SDK2: variants seen among roughly 807,000 people sequenced by gnomAD.
SDK2 encodes the protein protein sidekick-2.
A neutral mutation model predicts 253.9 loss-of-function variants in SDK2; 105 were observed. That is an observed-to-expected ratio of 0.41 (90% confidence interval 0.35 to 0.49). The LOEUF is 0.49. SDK2 is among the 20% of genes least tolerant of loss of function. The probability of loss-of-function intolerance (pLI) is 0.06; values close to 1 mark genes in which losing one functional copy is unlikely to be tolerated. For synonymous variants in SDK2, 1,249 were observed against 1,234.9 expected, an observed-to-expected ratio of 1.01 and a Z score of -0.24; for missense variants, 2,608 against 3,003.0, an observed-to-expected ratio of 0.87 and a Z score of 3.07.
At chr17:73,592,218 C>T (rs1448134071) in intron 1 of SDK2, among the ~76,000 whole-genome samples, 3 of 152,228 alleles carry the variant, frequency 2.0e-5, no homozygotes, top group Non-Finnish European at 4.4e-5. Flanking sequence ...CACAGCCATG[C>T]CTCCGTGGGC....
rs569033001 is a variant in SDK2, at chr17:73,437,722, C to T, written c.1000+17G>A. ...ATCTGGGGTCTTTGTCCCCCTCCAG[C>T]GGTGCCACCTCATTACCTTTGGCCT... On this transcript the variant is annotated intron_variant, in intron 8 of 44. Coordinates refer to ENST00000392650, the MANE Select transcript of SDK2 (RefSeq NM_001144952.2). 9.7e-5 allele frequency: 156 copies of T among 1,604,810 alleles called. 4 individuals carry two copies. In the South Asian group the frequency reaches 1.2e-3, roughly 12 times the overall value.
chr17:73,601,085 T>C (rs1235127861), intron 1 of SDK2, among the ~76,000 whole-genome samples: 1 of 151,906 alleles, frequency 6.6e-6, no homozygotes, highest in African/African-American at 2.4e-5. Context: ...AGTGGCATGA[T>C]CTCAGCTCAC....
chr17:73,522,375 C>T (rs2064087417), intron 1 of SDK2, among the ~76,000 whole-genome samples: 1 of 152,236 alleles, frequency 6.6e-6, no homozygotes, highest in Admixed American at 6.5e-5. Flanking sequence ...AACAGCCTGG[C>T]CCACCTGCTT....
At chr17:73,483,553 A>C (rs1671701333) in intron 2 of SDK2, among the ~76,000 whole-genome samples, 1 of 136,134 alleles carries the variant, frequency 7.3e-6, no homozygotes, top group Admixed American at 7.6e-5. Context: ...ATGTATGTAT[A>C]TGTGTATATG....
chr17:73,339,235 G>GTTT (rs368507991), intron 44 of SDK2, among the ~76,000 whole-genome samples: 19 of 138,384 alleles, frequency 1.4e-4, no homozygotes, highest in East Asian at 2.1e-4. Context: ...TTTTGTTTTT[G>GTTT]TTTTTTTTTT....
At chr17:73,590,258 G>A (rs1043243878) in intron 1 of SDK2, among the ~76,000 whole-genome samples, 1 of 152,244 alleles carries the variant, frequency 6.6e-6, no homozygotes, top group Non-Finnish European at 1.5e-5. Flanking sequence ...ATCTGTTACT[G>A]TAATCCAGGC....
rs560349378 is a variant in SDK2 at position 73,537,109 on chromosome 17, G to A, written c.65-29512C>T. ...CGGCTCAGGATCACGACGCATGTGC[G>A]TGCGTGCGTGTGCGGGCGCGCATCA... On this transcript the variant is annotated intron_variant, in intron 1 of 44. Transcript: ENST00000392650. Among the ~76,000 whole-genome samples the A allele has an allele frequency of 3.3e-5, 5 of 152,290 alleles. No individual in the cohort carries two copies. The South Asian group carries it at 8.3e-4, about 25-fold the overall frequency.
rs1221909217 is a variant in SDK2 at position 73,609,499 on chromosome 17, A to G, written c.64+34526T>C. Among the ~76,000 whole-genome samples, 1 of 152,230 alleles carries G rather than the reference A, an allele frequency of 6.6e-6. No individual in the cohort carries two copies. The highest frequency in any genetic ancestry group is 1.5e-5 in the Non-Finnish European group (1 of 68,046). On this transcript the variant is annotated intron_variant, in intron 1 of 44. Transcript: ENST00000392650. The surrounding 1 kb of genome is among the most constrained non-coding windows in gnomAD (Gnocchi z 4.4). ...ACTGGGTTTAAGACAGAAAGGGAAG[A>G]CAGGAATTAGAGACAGGGGCATTAG...
Position 73,629,231 on chromosome 17 carries a change from G to T in SDK2, c.64+14794C>A, listed in dbSNP as rs775300088. On this transcript the variant is annotated intron_variant, in intron 1 of 44. Coordinates refer to ENST00000392650, the MANE Select transcript of SDK2 (RefSeq NM_001144952.2). The surrounding 1 kb of genome is among the most constrained non-coding windows in gnomAD (Gnocchi z 5.0). ...TCCCTACCATTTTAGCTCAGATACG[G>T]GCCCTCAGGGAGGCTCCAGAATCTG... 7.2e-5 allele frequency among the ~76,000 whole-genome samples: 11 copies of T among 152,134 alleles called. No individual in the cohort carries two copies. Among genetic ancestry groups the T allele is most frequent in the Non-Finnish European group, 1.3e-4 (9 of 68,022 alleles).
chr17:73,444,166 C>T (rs1437935721), intron 5 of SDK2, among the ~76,000 whole-genome samples: 1 of 152,142 alleles, frequency 6.6e-6, no homozygotes, highest in East Asian at 1.9e-4. Context: ...AGCCCTAGTC[C>T]AAGTGACAGA....
intron 1 of SDK2, among the ~76,000 whole-genome samples, chr17:73,564,765 C>T (rs887573868): frequency 1.3e-5 from 2 of 151,724 alleles, no homozygotes; most frequent in African/African-American, 4.9e-5. Flanking sequence ...GCGGAGGTTG[C>T]AGTGGGCCGA....
intron 1 of SDK2, among the ~76,000 whole-genome samples, chr17:73,588,201 C>G (rs573662788): frequency 2.0e-5 from 3 of 147,778 alleles, no homozygotes; most frequent in East Asian, 2.0e-4. Context: ...GGAGAGACCC[C>G]CCCCCCTCCC....
At chr17:73,633,453 A>AT (rs1351562772) in intron 1 of SDK2, among the ~76,000 whole-genome samples, 1 of 151,936 alleles carries the variant, frequency 6.6e-6, no homozygotes, top group Non-Finnish European at 1.5e-5. Context: ...TTACCTTCCC[A>AT]TTTTTTTCCC....
chr17:73,401,602 A>T, intron 20 of SDK2, 52 bp downstream of exon 20: 1 of 1,480,732 alleles, frequency 6.8e-7, no homozygotes. Flanking sequence ...ACCAGCTCTG[A>T]CCTTTCCCAG....
chr17:73,606,255 G>T (rs1365495207), intron 1 of SDK2, among the ~76,000 whole-genome samples: 2 of 152,318 alleles, frequency 1.3e-5, no homozygotes, highest in East Asian at 3.9e-4. Flanking sequence ...CTGGTGAGAG[G>T]CAGCTCCCTA....
intron 6 of SDK2, among the ~76,000 whole-genome samples, chr17:73,440,566 C>G (rs1317413734): frequency 6.6e-6 from 1 of 152,206 alleles, no homozygotes; most frequent in Non-Finnish European, 1.5e-5. Flanking sequence ...ACGTCCCAGG[C>G]TGACGTCCCC....
At chr17:73,628,365 C>T (rs1287638768) in intron 1 of SDK2, among the ~76,000 whole-genome samples, 1 of 152,226 alleles carries the variant, frequency 6.6e-6, no homozygotes, top group Non-Finnish European at 1.5e-5. Flanking sequence ...GTGTCGGTTT[C>T]CTGGTCCATA....
intron 1 of SDK2, among the ~76,000 whole-genome samples, chr17:73,508,443 A>G (rs1451248288): frequency 6.6e-6 from 1 of 152,220 alleles, no homozygotes; most frequent in Non-Finnish European, 1.5e-5. Context: ...AAGGGAACTG[A>G]TGGAACAATG....
intron 10 of SDK2, among the ~76,000 whole-genome samples, chr17:73,432,803 T>G (rs192883805): frequency 6.7e-6 from 1 of 148,438 alleles, no homozygotes; most frequent in Non-Finnish European, 1.5e-5. Context: ...TGTGTGTGCA[T>G]ATGTGTGCAC....
Sources: allele counts gnomAD v4.1 joint callset (sites outside exome capture counted in the v4.1 genomes callset), GRCh38; gene constraint gnomAD v4.1.1; non-coding constraint Gnocchi (gnomAD v3.1); transcripts MANE v1.5; gene names NCBI Gene and HGNC (gene_info 2026-07-23, HGNC 2026-07-21).